NRG1: variants seen among roughly 807,000 people sequenced by gnomAD.
NRG1 encodes the protein pro-neuregulin-1, membrane-bound isoform.
Under a neutral mutation model 63.8 loss-of-function variants are expected in NRG1, and 18 were observed. The ratio of observed to expected loss-of-function variants is 0.28; its 90% CI spans 0.19 to 0.42. The LOEUF (loss-of-function observed/expected upper bound fraction) is 0.42, where lower values mean the gene tolerates loss of function less well. Ranked by LOEUF, NRG1 falls within the 10% of genes least tolerant of loss-of-function variation. The pLI is 1.00. For synonymous variants in NRG1, 302 were observed against 301.3 expected, an observed-to-expected ratio of 1.00 and a Z score of -0.02; for missense variants, 762 against 814.7, an observed-to-expected ratio of 0.94 and a Z score of 0.79.
At chr8:32,484,248 G>A (rs866898821) in intron 1 of NRG1, among the ~76,000 whole-genome samples, 3 of 152,164 alleles carry the variant, frequency 2.0e-5, no homozygotes, top group African/African-American at 4.8e-5. Flanking sequence ...GAAACTGGTA[G>A]GCTACTAAAA....
At chr8:32,504,103 CT>C (rs1297737300) in intron 1 of NRG1, among the ~76,000 whole-genome samples, 1 of 152,192 alleles carries the variant, frequency 6.6e-6, no homozygotes, top group Non-Finnish European at 1.5e-5. Flanking sequence ...TAGTGCCATG[CT>C]TGAGCCCACT....
chr8:32,114,167 G>C (rs1832402162), intron 1 of NRG1, among the ~76,000 whole-genome samples: 1 of 152,172 alleles, frequency 6.6e-6, no homozygotes, highest in Non-Finnish European at 1.5e-5. Flanking sequence ...CACCAGCCTT[G>C]GCTGAAAGAG....
At chr8:32,407,550 G>A (rs1432725795) in intron 1 of NRG1, among the ~76,000 whole-genome samples, 1 of 152,050 alleles carries the variant, frequency 6.6e-6, no homozygotes, top group Admixed American at 6.6e-5. Context: ...GGAGGAAAGA[G>A]CGTGGAGAGA....
At chr8:31,892,463 A>G (rs932025535) in intron 1 of NRG1, among the ~76,000 whole-genome samples, 1 of 152,138 alleles carries the variant, frequency 6.6e-6, no homozygotes, top group Admixed American at 6.5e-5. Context: ...GTATCTGTGT[A>G]CACACACAAA....
chr8:32,034,491 T>C (rs1260867081), intron 1 of NRG1, among the ~76,000 whole-genome samples: 1 of 152,184 alleles, frequency 6.6e-6, no homozygotes, highest in African/African-American at 2.4e-5. Flanking sequence ...GAGTCCCTCT[T>C]TCAATTGTTT....
At chr8:31,889,070 T>C (rs1452175297) in intron 1 of NRG1, among the ~76,000 whole-genome samples, 2 of 152,158 alleles carry the variant, frequency 1.3e-5, no homozygotes, top group Non-Finnish European at 2.9e-5. Context: ...TATAAGGTCT[T>C]ATTCTGAATA....
At chr8:32,692,439 A>G (rs748679186) in intron 5 of NRG1, among the ~76,000 whole-genome samples, 1 of 152,176 alleles carries the variant, frequency 6.6e-6, no homozygotes, top group African/African-American at 2.4e-5. Flanking sequence ...CTAGATTCCA[A>G]CTGAGCTTTG....
At chr8:32,408,032 C>T (rs1485068086) in intron 1 of NRG1, among the ~76,000 whole-genome samples, 1 of 152,172 alleles carries the variant, frequency 6.6e-6, no homozygotes, top group Non-Finnish European at 1.5e-5. Flanking sequence ...TTCTGGAACT[C>T]ATTTATTGTC....
chr8:32,175,139 A>G (rs1011885722), intron 1 of NRG1, among the ~76,000 whole-genome samples: 2 of 152,254 alleles, frequency 1.3e-5, no homozygotes, highest in African/African-American at 2.4e-5. Context: ...CACCATGATC[A>G]AGTGGGCTTC....
intron 1 of NRG1, among the ~76,000 whole-genome samples, chr8:32,309,549 C>T (rs952651739): frequency 6.6e-6 from 1 of 152,166 alleles, no homozygotes; most frequent in Non-Finnish European, 1.5e-5. Flanking sequence ...TTTCTAGGTC[C>T]TGCTGAGGAG....
At chr8:32,133,840 G>A (rs1835164248) in intron 1 of NRG1, among the ~76,000 whole-genome samples, 1 of 152,112 alleles carries the variant, frequency 6.6e-6, no homozygotes, top group South Asian at 2.1e-4. Context: ...AAAAAGTAGT[G>A]ATTTCTTAGG....
chr8:32,292,542 A>C, intron 1 of NRG1, among the ~76,000 whole-genome samples: 1 of 150,182 alleles, frequency 6.7e-6, no homozygotes, highest in East Asian at 2.0e-4. Context: ...TCCCATACCC[A>C]CTCCTCCTCT....
chr8:32,058,762 A>C (rs1043416386), intron 1 of NRG1, among the ~76,000 whole-genome samples: 1 of 151,970 alleles, frequency 6.6e-6, no homozygotes, highest in Non-Finnish European at 1.5e-5. Flanking sequence ...TGCAAGCTTT[A>C]AGTAAAACAC....
chr8:32,765,423 G>A (rs537557493), exon 12 of NRG1: 5 of 152,278 alleles, frequency 3.3e-5, no homozygotes, highest in South Asian at 2.1e-4. Context: ...AGAGTCAAAC[G>A]TGCCTGCTGT....
chr8:32,318,402 C>A (rs556213442), intron 1 of NRG1, among the ~76,000 whole-genome samples: 3 of 152,084 alleles, frequency 2.0e-5, no homozygotes, highest in African/African-American at 7.2e-5. Flanking sequence ...TAGAATCAAA[C>A]ATTTTAGAGC....
intron 5 of NRG1, chr8:32,646,902 G>T: frequency 3.1e-5 from 31 of 985,042 alleles, no homozygotes; most frequent in Non-Finnish European, 3.7e-5. Flanking sequence ...GGTTGGGAGA[G>T]GGGGAGGAAA....
Position 32,007,762 on chromosome 8 carries a change from G to A in NRG1, c.37+368331G>A, listed in dbSNP as rs532947457. On this transcript the variant is annotated intron_variant, in intron 1 of 10. Coordinates refer to the NRG1 transcript ENST00000519301. ...TATTCACAGCCTCTGTGTTTTCAGTGTACTACCAGCTGGGATATCTATGAC... is the reference window on the plus strand; with the variant it reads ...TATTCACAGCCTCTGTGTTTTCAGTATACTACCAGCTGGGATATCTATGAC... Among the ~76,000 whole-genome samples, 595 of 152,068 alleles carry A rather than the reference G, an allele frequency of 3.9e-3. 1 individual carries two copies. The highest frequency in any genetic ancestry group is 5.6e-3 in the Non-Finnish European group (381 of 67,956).
At chr8:31,831,635 G>T (rs983161810) in intron 1 of NRG1, among the ~76,000 whole-genome samples, 5 of 152,156 alleles carry the variant, frequency 3.3e-5, no homozygotes, top group African/African-American at 9.7e-5. Flanking sequence ...TCAATTTTGG[G>T]TATTCTCTCT....
At chr8:32,616,245 A>T (rs1847344072) in intron 4 of NRG1, among the ~76,000 whole-genome samples, 1 of 151,678 alleles carries the variant, frequency 6.6e-6, no homozygotes, top group African/African-American at 2.4e-5. Context: ...TTGCTACTAG[A>T]TATCCCCAAC....
Sources: allele counts gnomAD v4.1 joint callset (sites outside exome capture counted in the v4.1 genomes callset), GRCh38; gene constraint gnomAD v4.1.1; transcripts MANE v1.5; gene names NCBI Gene and HGNC (gene_info 2026-07-23, HGNC 2026-07-21).